Variants in OTUD7A observed in about 807,000 individuals in gnomAD.
OTUD7A encodes the protein OTU domain-containing protein 7A.
A neutral mutation model predicts 65.7 loss-of-function variants in OTUD7A; 12 were observed. That is an observed-to-expected ratio of 0.18 (90% CI 0.12 to 0.30). The LOEUF (loss-of-function observed/expected upper bound fraction) is 0.30, where lower values mean the gene tolerates loss of function less well. Ranked by LOEUF, OTUD7A falls within the 10% of genes least tolerant of loss-of-function variation. OTUD7A has a pLI of 1.00. For synonymous variants in OTUD7A, 641 were observed against 586.3 expected (o/e 1.09, Z -1.35); for missense variants, 1,148 against 1,304.8 (o/e 0.88, Z 1.85).
At chr15:31,817,396 G>A (rs1210246664) in intron 1 of OTUD7A, among the ~76,000 whole-genome samples, 1 of 151,736 alleles carries the variant, frequency 6.6e-6, no homozygotes, top group Non-Finnish European at 1.5e-5. Context: ...TTCTGCAATC[G>A]AGAAATCAAA....
chr15:31,788,580 G>T (rs551693301), intron 1 of OTUD7A, among the ~76,000 whole-genome samples: 1 of 152,136 alleles, frequency 6.6e-6, no homozygotes, highest in Non-Finnish European at 1.5e-5. Flanking sequence ...TGCCCTAACC[G>T]TCAAGTAGCC....
rs41332045 is a variant in OTUD7A at position 31,867,046 on chromosome 15, A to G, written c.-100+3461T>C. 5.1e-3 allele frequency among the ~76,000 whole-genome samples: 782 copies of G among 152,204 alleles called. 24 individuals carry two copies. The highest frequency in any genetic ancestry group is 0.043 in the Admixed American group (662 of 15,288). ...GAGAGAGGAGTCTTTGGTCTTCAGT[A>G]ACACACCCAGATGCTGCAATGACCA... On this transcript the variant is annotated intron_variant, in intron 1 of 12. Transcript: ENST00000307050.
chr15:31,745,802 C>A (rs1229775289), intron 1 of OTUD7A, among the ~76,000 whole-genome samples: 5 of 152,086 alleles, frequency 3.3e-5, no homozygotes, highest in Non-Finnish European at 5.9e-5. Context: ...TGATTTAATT[C>A]TAACCTCTAT....
chr15:31,483,690 G>A lies in OTUD7A; in HGVS notation c.2406C>T (p.Ala802=), dbSNP rs1169722395. Residue 802 remains alanine (A), a synonymous_variant, in exon 13 of 13, where the codon GCC becomes GCT. Coordinates refer to ENST00000307050, the MANE Select transcript of OTUD7A (RefSeq NM_001382637.1). ...APAVGALRPC[A]TYPQQNRSLS... Reference sequence around the variant, plus strand: ...GCGAGCGGTTCTGCTGCGGGTACGTGGCGCACGGCCGCAGCGCCCCCACGG... The same window carrying A: ...GCGAGCGGTTCTGCTGCGGGTACGTAGCGCACGGCCGCAGCGCCCCCACGG... The A allele has an allele frequency of 8.6e-6, 10 of 1,159,164 alleles. No homozygotes were observed. Among genetic ancestry groups the A allele is most frequent in the Non-Finnish European group, 1.1e-5 (10 of 942,746 alleles). 71.8% of individuals were successfully genotyped at this position (1,159,164 alleles called of 1,614,324 possible). A position where few individuals can be genotyped will look rare whatever the true frequency, so the allele number is the denominator to read the frequency against.
chr15:31,767,499 G>C, intron 1 of OTUD7A: 1 of 772,594 alleles, frequency 1.3e-6, no homozygotes, highest in South Asian at 1.3e-5. Flanking sequence ...GAGGTCATCT[G>C]ATTTGTTTTG....
intron 5 of OTUD7A, among the ~76,000 whole-genome samples, chr15:31,536,722 G>A (rs1887814675): frequency 1.3e-5 from 2 of 152,226 alleles, no homozygotes; most frequent in Admixed American, 6.5e-5. Context: ...ATTATCCTAA[G>A]TGAAATAAAT....
intron 1 of OTUD7A, among the ~76,000 whole-genome samples, chr15:31,800,142 G>A (rs1434424075): frequency 6.6e-6 from 1 of 152,104 alleles, no homozygotes; most frequent in Non-Finnish European, 1.5e-5. Flanking sequence ...ATAACACAAG[G>A]TACTCAGTGT....
At chr15:31,516,582 A>G (rs1022126795) in intron 8 of OTUD7A, among the ~76,000 whole-genome samples, 2 of 152,188 alleles carry the variant, frequency 1.3e-5, no homozygotes, top group Non-Finnish European at 2.9e-5. Context: ...ACAAAACAGC[A>G]GAGGTTGCTG....
chr15:31,580,347 A>G (rs1889335641), intron 3 of OTUD7A, among the ~76,000 whole-genome samples: 1 of 152,210 alleles, frequency 6.6e-6, no homozygotes, highest in Non-Finnish European at 1.5e-5. Flanking sequence ...TCAAAGGCAA[A>G]GATGAGTCAC....
rs1235290010 is a variant in OTUD7A, at chr15:31,767,759, T to C, written c.-100+102748A>G. ...ATTTTCCTGAGATAAATGTAATCCA[T>C]GCTTTTCAGCAGTTCTACGAGATAA... On this transcript the variant is annotated intron_variant, in intron 1 of 12. Transcript: ENST00000307050. 2.2e-5 allele frequency: 16 copies of C among 711,830 alleles called. No individual in the cohort carries two copies. The East Asian group carries it at 4.2e-4, about 19-fold the overall frequency. 44.1% of individuals were successfully genotyped at this position (711,830 alleles called of 1,614,324 possible). A position where few individuals can be genotyped will look rare whatever the true frequency, so the allele number is the denominator to read the frequency against.
intron 4 of OTUD7A, among the ~76,000 whole-genome samples, chr15:31,560,005 G>A (rs1888638731): frequency 6.6e-6 from 1 of 152,228 alleles, no homozygotes; most frequent in South Asian, 2.1e-4. Flanking sequence ...GGAGCTGCAA[G>A]CCCACAGTAC....
At chr15:31,832,353 T>G (rs562263931) in intron 1 of OTUD7A, among the ~76,000 whole-genome samples, 7 of 152,234 alleles carry the variant, frequency 4.6e-5, no homozygotes, top group Admixed American at 1.3e-4. Context: ...CAACACTACA[T>G]CACAATACAG....
rs73380540 is a variant in OTUD7A at position 31,798,209 on chromosome 15, G to C, written c.-100+72298C>G. Among the ~76,000 whole-genome samples the C allele has an allele frequency of 8.8e-3, 1,337 of 152,268 alleles. 20 individuals carry two copies. The highest frequency in any genetic ancestry group is 0.031 in the African/African-American group (1,269 of 41,544). The stretch of plus-strand genomic sequence containing the variant: ...GGACATCAACACAGGCATTTTGTGG[G>C]GGGGTGGGGGTCCCAATTTAGTCCA... On this transcript the variant is annotated intron_variant, in intron 1 of 12. Transcript: ENST00000307050.
chr15:31,732,087 T>C (rs1027976250), intron 1 of OTUD7A, among the ~76,000 whole-genome samples: 1 of 152,200 alleles, frequency 6.6e-6, no homozygotes, highest in Non-Finnish European at 1.5e-5. Flanking sequence ...TCTACTTTCA[T>C]ATTAAAATCA....
intron 1 of OTUD7A, among the ~76,000 whole-genome samples, chr15:31,849,240 A>G (rs527937988): frequency 1.4e-4 from 21 of 152,348 alleles, no homozygotes; most frequent in African/African-American, 4.8e-4. Flanking sequence ...GCCCTCAGAA[A>G]TAATACCACA....
At chr15:31,842,115 A>G (rs1437093393) in intron 1 of OTUD7A, among the ~76,000 whole-genome samples, 1 of 152,138 alleles carries the variant, frequency 6.6e-6, no homozygotes, top group Non-Finnish European at 1.5e-5. Flanking sequence ...CACACATAAT[A>G]TTGAGTGAAA....
At chr15:31,816,124 G>T (rs1896543403) in intron 1 of OTUD7A, among the ~76,000 whole-genome samples, 1 of 152,202 alleles carries the variant, frequency 6.6e-6, no homozygotes, top group African/African-American at 2.4e-5. Context: ...TGCTTTGAGG[G>T]CTCCGGCCTC....
intron 1 of OTUD7A, chr15:31,767,913 TATC>T: frequency 6.6e-7 from 1 of 1,516,964 alleles, no homozygotes; most frequent in Non-Finnish European, 9.2e-7. Context: ...AGCTGGTTGT[TATC>T]ATCAACATTT....
chr15:31,645,416 T>G (rs1891632439), intron 3 of OTUD7A, among the ~76,000 whole-genome samples: 1 of 152,204 alleles, frequency 6.6e-6, no homozygotes, highest in African/African-American at 2.4e-5. Flanking sequence ...CGTACATCAC[T>G]TATAATAAAC....
Sources: allele counts gnomAD v4.1 joint callset (sites outside exome capture counted in the v4.1 genomes callset), GRCh38; gene constraint gnomAD v4.1.1; transcripts MANE v1.5; gene names NCBI Gene and HGNC (gene_info 2026-07-23, HGNC 2026-07-21).